ACSM5: variants seen among roughly 807,000 people sequenced by gnomAD.
ACSM5 encodes the protein acyl-coenzyme A synthetase ACSM5, mitochondrial.
ACSM5 carries 56 observed loss-of-function variants against 71.6 expected under a neutral mutation model. The ratio of observed to expected loss-of-function variants is 0.78; its 90% CI spans 0.63 to 0.98. ACSM5 has a LOEUF of 0.98. ACSM5 is among the 50% of genes least tolerant of loss of function. The pLI is 0.00. For missense variants in ACSM5, 723 were observed against 726.0 expected, an observed-to-expected ratio of 1.00 and a Z score of 0.05; for synonymous variants, 285 against 281.5, an observed-to-expected ratio of 1.01 and a Z score of -0.12.
chr16:20,438,812 A>T (rs6497503), intron 12 of ACSM5, among the ~76,000 whole-genome samples: 19 of 150,500 alleles, frequency 1.3e-4, no homozygotes, highest in Non-Finnish European at 1.8e-4. Context: ...AAAATTAGCC[A>T]GGCGTGGCGG....
chr16:20,429,859 T>C, intron 8 of ACSM5, 58 bp downstream of exon 8: 1 of 1,585,314 alleles, frequency 6.3e-7, no homozygotes, highest in South Asian at 1.1e-5. Flanking sequence ...GCTTCCTGCC[T>C]CTCCGGCTGT....
Position 20,419,246 on chromosome 16 carries a change from G to C in ACSM5, c.434G>C (p.Gly145Ala). Residue 145 changes from glycine to alanine, a missense_variant, in exon 4 of 14, where the codon GGT becomes GCT. Gly to Ala is a moderately conservative substitution (Grantham distance 60). Coordinates refer to ENST00000331849, the MANE Select transcript of ACSM5 (RefSeq NM_017888.3). ...ATGCCAGGGACTGTGATGATTCCGGGTGTGACTCAGCTGACAGAGAAGGAC... is the reference window on the plus strand; with the variant it reads ...ATGCCAGGGACTGTGATGATTCCGGCTGTGACTCAGCTGACAGAGAAGGAC... ...CMRTGTVMIP[G>A]VTQLTEKDLK... 3 of 1,614,058 alleles carry C rather than the reference G, an allele frequency of 1.9e-6. No individual in the cohort carries two copies. The highest frequency in any genetic ancestry group is 2.2e-5 in the East Asian group (1 of 44,878).
intron 5 of ACSM5, among the ~76,000 whole-genome samples, chr16:20,422,408 C>T (rs1361934548): frequency 6.6e-6 from 1 of 152,168 alleles, no homozygotes; most frequent in Non-Finnish European, 1.5e-5. Flanking sequence ...CTGCACCTGG[C>T]CTCGACCACA....
chr16:20,425,429 TAA>T (rs1009471294), intron 6 of ACSM5, among the ~76,000 whole-genome samples: 1 of 151,978 alleles, frequency 6.6e-6, no homozygotes, highest in Middle Eastern at 3.4e-3. Context: ...ATTCTTTTTT[TAA>T]AAAAAAATTA....
Position 20,429,694 on chromosome 16 carries a change from C to G in ACSM5, c.1018C>G (p.Leu340Val). 1.2e-6 allele frequency: 2 copies of G among 1,613,958 alleles called. No homozygotes were observed. The highest frequency in any genetic ancestry group is 1.7e-4 in the Middle Eastern group (1 of 6,060). The part of the protein sequence containing the change: ...EDLTRYQFQS[L>V]RHCLTGGEAL... ...CTGAGAAAGGTACCAGTTTCAGAGC[C>G]TGAGGCACTGTCTGACCGGAGGAGA... The change falls in exon 8 of 14, where the codon CTG (leucine) becomes GTG (valine). Residue 340 changes from leucine (L) to valine (V), a missense_variant. Leu to Val is a conservative substitution (Grantham distance 32). Coordinates refer to ENST00000331849, the MANE Select transcript of ACSM5 (RefSeq NM_017888.3).
chr16:20,421,921 T>C (rs1487638411), intron 5 of ACSM5, among the ~76,000 whole-genome samples: 1 of 151,738 alleles, frequency 6.6e-6, no homozygotes, highest in Non-Finnish European at 1.5e-5. Flanking sequence ...GTGAATTTGA[T>C]ACTCTAGGTA....
intron 10 of ACSM5, among the ~76,000 whole-genome samples, chr16:20,431,750 A>G (rs1162053374): frequency 6.6e-6 from 1 of 152,068 alleles, no homozygotes; most frequent in Non-Finnish European, 1.5e-5. Flanking sequence ...CAGGAGTTCA[A>G]CACCAGCCTG....
intron 3 of ACSM5, among the ~76,000 whole-genome samples, chr16:20,418,496 G>A (rs887766560): frequency 4.6e-5 from 7 of 152,234 alleles, no homozygotes; most frequent in African/African-American, 1.4e-4. Flanking sequence ...TGAGGACTGC[G>A]GCAAACTGGA....
rs188433860 is a variant in ACSM5 at position 20,411,939 on chromosome 16, T to C, written c.204+251T>C. 4.5e-4 allele frequency: 225 copies of C among 504,900 alleles called. 2 individuals are homozygous for C. The highest frequency in any genetic ancestry group is 1.4e-3 in the South Asian group (64 of 45,526). 31.3% of individuals were successfully genotyped at this position (504,900 alleles called of 1,614,324 possible). Reference sequence around the variant, plus strand: ...GAGCCCAAATCACACAGTGAGACAGTTATGTCCCTTCCGATTCCCTTCCAG... The same window carrying C: ...GAGCCCAAATCACACAGTGAGACAGCTATGTCCCTTCCGATTCCCTTCCAG... On this transcript the variant is annotated intron_variant, in intron 2 of 13. Transcript: ENST00000331849.
rs1966929855 is a variant in ACSM5, at chr16:20,424,034, G to C, written c.886G>C (p.Glu296Gln). ...TAATGGATCTTGCATTTTTGTGCAT[G>C]AGCTGCCCCGAGTTGATGCCAAAGT... ...WPNGSCIFVH[E>Q]LPRVDAKVIL... The change falls in exon 6 of 14, where the codon GAG becomes CAG. Residue 296 changes from glutamate (E) to glutamine (Q), a missense_variant. Transcript: ENST00000331849. 6.2e-7 allele frequency: 1 copy of C among 1,613,990 alleles called. No homozygotes were observed. Among genetic ancestry groups the C allele is most frequent in the South Asian group, 1.1e-5 (1 of 91,072 alleles).
At chr16:20,433,018 G>A (rs1475608128) in intron 10 of ACSM5, among the ~76,000 whole-genome samples, 2 of 151,808 alleles carry the variant, frequency 1.3e-5, no homozygotes, top group Non-Finnish European at 2.9e-5. Flanking sequence ...CCACTTCACC[G>A]GGGTAATTTT....
intron 5 of ACSM5, among the ~76,000 whole-genome samples, chr16:20,422,235 C>T (rs1966894279): frequency 6.6e-6 from 1 of 152,114 alleles, no homozygotes; most frequent in Non-Finnish European, 1.5e-5. Flanking sequence ...CCTCAGCCTC[C>T]CAGATAGCTG....
intron 6 of ACSM5, among the ~76,000 whole-genome samples, chr16:20,426,274 C>T (rs141195908): frequency 0.044 from 6,756 of 152,222 alleles, 163 homozygotes; most frequent in South Asian, 0.06. Flanking sequence ...GCACTGTCCC[C>T]AGCTCTGATA....
At chr16:20,415,112 T>C (rs1213592719) in intron 2 of ACSM5, among the ~76,000 whole-genome samples, 2 of 152,208 alleles carry the variant, frequency 1.3e-5, no homozygotes, top group African/African-American at 2.4e-5. Flanking sequence ...TGTGGACTGA[T>C]TTCTTCTTGC....
intron 6 of ACSM5, among the ~76,000 whole-genome samples, chr16:20,426,405 T>A (rs1446914353): frequency 1.3e-5 from 2 of 152,160 alleles, no homozygotes. Flanking sequence ...AATGAGGGGT[T>A]TTTGGAGCAG....
At chr16:20,435,913 C>T (rs1269128040) in intron 10 of ACSM5, among the ~76,000 whole-genome samples, 1 of 150,432 alleles carries the variant, frequency 6.6e-6, no homozygotes, top group Non-Finnish European at 1.5e-5. Flanking sequence ...TCCCACCCTC[C>T]CTTTCTTTCT....
intron 1 of ACSM5, 59 bp from the exon 2 acceptor site, chr16:20,411,411 G>T: frequency 1.4e-6 from 2 of 1,433,916 alleles, no homozygotes; most frequent in Non-Finnish European, 1.9e-6. Flanking sequence ...CCTAACCTAT[G>T]TGTTGTCCCC....
chr16:20,433,383 T>C (rs1369236764), intron 10 of ACSM5, among the ~76,000 whole-genome samples: 2 of 152,228 alleles, frequency 1.3e-5, no homozygotes, highest in Non-Finnish European at 2.9e-5. Context: ...CCGTGTCAAC[T>C]GTATATCCCA....
intron 1 of ACSM5, among the ~76,000 whole-genome samples, chr16:20,410,792 A>T: frequency 6.6e-6 from 1 of 152,118 alleles, no homozygotes; most frequent in East Asian, 1.9e-4. Flanking sequence ...AGACACTAAA[A>T]GCCCATCATG....
Sources: allele counts gnomAD v4.1 joint callset (sites outside exome capture counted in the v4.1 genomes callset), GRCh38; gene constraint gnomAD v4.1.1; transcripts MANE v1.5; gene names NCBI Gene and HGNC (gene_info 2026-07-23, HGNC 2026-07-21).